GABRG3: variants seen among roughly 807,000 people sequenced by gnomAD.
The protein encoded by GABRG3 is gamma-aminobutyric acid type A receptor subunit gamma3, also known as gamma-aminobutyric acid receptor subunit gamma-3.
A neutral mutation model predicts 48.8 loss-of-function variants in GABRG3; 25 were observed. The ratio of observed to expected loss-of-function variants is 0.51; its 90% CI spans 0.37 to 0.72. The LOEUF (loss-of-function observed/expected upper bound fraction) is 0.72. Among genes scored for constraint, GABRG3 ranks in the 30% least tolerant of loss-of-function variants. The pLI is 0.00. For missense variants in GABRG3, 394 were observed against 577.9 expected (o/e 0.68, Z 3.26); for synonymous variants, 227 against 217.6 (o/e 1.04, Z -0.38).
intron 3 of GABRG3, among the ~76,000 whole-genome samples, chr15:27,175,189 G>A (rs1475524464): frequency 1.3e-5 from 2 of 152,112 alleles, no homozygotes; most frequent in African/African-American, 2.4e-5. Flanking sequence ...TGCCCTGCTC[G>A]AGGAAGGTCC....
chr15:27,326,381 T>G (rs1893614537), intron 3 of GABRG3, among the ~76,000 whole-genome samples: 1 of 152,208 alleles, frequency 6.6e-6, no homozygotes, highest in Non-Finnish European at 1.5e-5. Flanking sequence ...GGGTGCTCAT[T>G]TAATCACTTC....
At chr15:27,037,422 G>A (rs1896198549) in intron 3 of GABRG3, among the ~76,000 whole-genome samples, 2 of 152,214 alleles carry the variant, frequency 1.3e-5, no homozygotes, top group Admixed American at 1.3e-4. Flanking sequence ...GACTGGCTAA[G>A]TTAGGTCAGA....
chr15:27,405,218 C>G (rs1288190587), intron 5 of GABRG3, among the ~76,000 whole-genome samples: 1 of 152,090 alleles, frequency 6.6e-6, no homozygotes, highest in Non-Finnish European at 1.5e-5. Context: ...GAAATCAATT[C>G]CAGGTTGATT....
intron 5 of GABRG3, among the ~76,000 whole-genome samples, chr15:27,417,263 T>G (rs1439878755): frequency 6.6e-6 from 1 of 152,156 alleles, no homozygotes; most frequent in Non-Finnish European, 1.5e-5. Context: ...ATCTCAAAAT[T>G]GAGATTTCTG....
At chr15:27,506,638 T>G (rs148650936) in intron 6 of GABRG3, among the ~76,000 whole-genome samples, 60 of 152,324 alleles carry the variant, frequency 3.9e-4, no homozygotes, top group Non-Finnish European at 7.6e-4. Flanking sequence ...AAGGAGAGAA[T>G]GCAGTAATAT....
At chr15:27,363,673 C>T (rs1037512840) in intron 5 of GABRG3, 2 of 152,166 alleles carry the variant, frequency 1.3e-5, no homozygotes, top group African/African-American at 4.8e-5. Context: ...GGCAGTCAGG[C>T]AAGTCTATAT....
At position 27,352,133 on chromosome 15, in the gene GABRG3, G is replaced by A. The variant is rs2140537971; in HGVS notation, c.574+23245G>A. ...TATGGTGTGTGTGTATGTATGATGT[G>A]TGTATTGTGTGTTTGTGTATGGTGT... On this transcript the variant is annotated intron_variant, in intron 5 of 9. Transcript: ENST00000615808. The surrounding 1 kb of genome is among the most constrained non-coding windows in gnomAD (Gnocchi z 4.0). Among the ~76,000 whole-genome samples, 1 of 150,692 alleles carries A rather than the reference G, an allele frequency of 6.6e-6. No homozygotes were observed. The highest frequency in any genetic ancestry group is 2.0e-4 in the East Asian group (1 of 5,036).
intron 3 of GABRG3, among the ~76,000 whole-genome samples, chr15:27,229,563 A>G (rs1026822700): frequency 1.3e-5 from 2 of 151,070 alleles, no homozygotes; most frequent in Admixed American, 6.6e-5. Flanking sequence ...TGCAACTTCT[A>G]CCTCCCGGGT....
intron 2 of GABRG3, among the ~76,000 whole-genome samples, chr15:26,984,445 T>C (rs1298521941): frequency 6.6e-6 from 1 of 152,226 alleles, no homozygotes; most frequent in East Asian, 1.9e-4. Flanking sequence ...TCTAATTAGT[T>C]TTCATAATAC....
intron 5 of GABRG3, among the ~76,000 whole-genome samples, chr15:27,343,238 C>T (rs1894252312): frequency 6.6e-6 from 1 of 152,128 alleles, no homozygotes; most frequent in Non-Finnish European, 1.5e-5. Flanking sequence ...GCGAGACTGT[C>T]TTGGCGTGCA....
chr15:27,397,966 G>A (rs573002071), intron 5 of GABRG3, among the ~76,000 whole-genome samples: 7 of 151,916 alleles, frequency 4.6e-5, no homozygotes, highest in Admixed American at 1.3e-4. Flanking sequence ...CACCACGCCC[G>A]GCTAAATTTT....
At chr15:27,503,367 G>T (rs1595797179) in intron 6 of GABRG3, among the ~76,000 whole-genome samples, 1 of 152,042 alleles carries the variant, frequency 6.6e-6, no homozygotes, top group African/African-American at 2.4e-5. Flanking sequence ...TCACCACATG[G>T]GCCTCTCATT....
intron 3 of GABRG3, among the ~76,000 whole-genome samples, chr15:27,255,664 A>G (rs1566981880): frequency 6.6e-6 from 1 of 152,162 alleles, no homozygotes; most frequent in East Asian, 1.9e-4. Context: ...AGCTCCAGGA[A>G]GCACCTTATG....
At chr15:27,331,724 G>A (rs180749879) in intron 5 of GABRG3, among the ~76,000 whole-genome samples, 2 of 152,326 alleles carry the variant, frequency 1.3e-5, no homozygotes, top group East Asian at 1.9e-4. Context: ...TGATAATGAT[G>A]TGTCAACCTA....
chr15:27,475,277 A>G (rs941759250), intron 5 of GABRG3, among the ~76,000 whole-genome samples: 3 of 152,144 alleles, frequency 2.0e-5, no homozygotes, highest in African/African-American at 4.8e-5. Context: ...CCTTATGTAC[A>G]TTACTTAGTG....
At chr15:27,363,344 T>C (rs1371438304) in intron 5 of GABRG3, 1 of 150,742 alleles carries the variant, frequency 6.6e-6, no homozygotes, top group Admixed American at 6.6e-5. Flanking sequence ...CCCAGGAGGA[T>C]TCCAGGTGCA....
At chr15:27,220,881 T>C (rs550943785) in intron 3 of GABRG3, among the ~76,000 whole-genome samples, 26 of 152,252 alleles carry the variant, frequency 1.7e-4, no homozygotes, top group African/African-American at 5.8e-4. Context: ...TTCATCATCT[T>C]CATTAGCTGT....
At chr15:27,313,262 G>GTGTATATA (rs1430430961) in intron 3 of GABRG3, among the ~76,000 whole-genome samples, 12 of 34,554 alleles carry the variant, frequency 3.5e-4, no homozygotes, top group African/African-American at 6.3e-4. Context: ...GTGTGTGTGT[G>GTGTATATA]TATATATATA....
chr15:27,130,978 T>C (rs1897906695), intron 3 of GABRG3, among the ~76,000 whole-genome samples: 1 of 152,104 alleles, frequency 6.6e-6, no homozygotes, highest in Non-Finnish European at 1.5e-5. Context: ...ATCACGTCTG[T>C]GAAAAGAGAT....
Sources: gnomAD v4.1 joint callset for allele counts (sites outside exome capture counted in the v4.1 genomes callset) on GRCh38, gnomAD v4.1.1 for gene constraint, Gnocchi (gnomAD v3.1) non-coding constraint, MANE v1.5 for transcripts, NCBI Gene and HGNC (gene_info 2026-07-23, HGNC 2026-07-21) for gene names.